VBP1: variants seen among roughly 807,000 people sequenced by gnomAD.
VBP1 encodes prefoldin subunit 3.
A neutral mutation model predicts 15.5 loss-of-function variants in VBP1; 4 were observed. That is an observed-to-expected ratio of 0.26 (90% CI 0.13 to 0.59). VBP1 has a LOEUF of 0.59. VBP1 is among the 20% of genes least tolerant of loss of function. The pLI, the probability that VBP1 is intolerant of heterozygous loss-of-function variation, is 0.90. For missense variants in VBP1, 108 were observed against 139.6 expected (o/e 0.77, Z 1.14); for synonymous variants, 61 against 52.1 (o/e 1.17, Z -0.74).
chrX:155,204,698 G>T (rs782160311), intron 1 of VBP1, among the ~76,000 whole-genome samples: 1 of 111,881 alleles, frequency 8.9e-6, no homozygotes, highest in East Asian at 2.8e-4. Flanking sequence ...TCAAGAGAAA[G>T]CTGCTTCAGA....
intron 4 of VBP1, among the ~76,000 whole-genome samples, chrX:155,234,039 C>G (rs150901018): frequency 0.038 from 4,081 of 107,814 alleles, 84 homozygotes; most frequent in Non-Finnish European, 0.06. Flanking sequence ...ATGTGTGTAC[C>G]TCATGGTTTC....
chrX:155,202,098 A>G (rs1373198382), intron 1 of VBP1, among the ~76,000 whole-genome samples: 3 of 111,612 alleles, frequency 2.7e-5, no homozygotes, highest in Non-Finnish European at 5.6e-5. Flanking sequence ...CCACTGCTCA[A>G]TGAAATAAAA....
intron 4 of VBP1, among the ~76,000 whole-genome samples, chrX:155,230,836 A>G (rs1033255790): frequency 3.1e-4 from 35 of 111,428 alleles, no homozygotes; most frequent in African/African-American, 1.1e-3. Flanking sequence ...GGCACGTGCT[A>G]CCATGCCCAG....
intron 1 of VBP1, chrX:155,208,800 T>G: frequency 1.7e-6 from 1 of 599,829 alleles, no homozygotes; most frequent in East Asian, 3.7e-5. Flanking sequence ...CTTGTTCTCA[T>G]GGTACTATTG....
chrX:155,207,124 A>G (rs1557308115), intron 1 of VBP1, among the ~76,000 whole-genome samples: 2 of 111,653 alleles, frequency 1.8e-5, no homozygotes, highest in South Asian at 7.5e-4. Flanking sequence ...TTGAGGCAAA[A>G]GTATGGGTTG....
At chrX:155,237,035 G>A (rs2074777118) in intron 5 of VBP1, among the ~76,000 whole-genome samples, 1 of 112,295 alleles carries the variant, frequency 8.9e-6, no homozygotes, top group Admixed American at 9.4e-5. Context: ...TTAAACTTTG[G>A]GAAAGATAGA....
chrX:155,238,866 T>C lies in VBP1; in HGVS notation c.*24T>C. The C allele has an allele frequency of 2.8e-5, 32 of 1,163,137 alleles. No individual in the cohort carries two copies. Among genetic ancestry groups the C allele is most frequent in the Non-Finnish European group, 3.7e-5 (32 of 862,060 alleles). ...AATGCTGGCAATTAAAAATGTGGTT[T>C]AGTTTTCCAAACATGTTATCTTAAA... On this transcript the variant is annotated 3_prime_UTR_variant, in exon 6 of 6. Transcript: ENST00000286428.
chrX:155,231,340 A>G (rs2074745630), intron 4 of VBP1, among the ~76,000 whole-genome samples: 1 of 111,757 alleles, frequency 8.9e-6, no homozygotes, highest in Non-Finnish European at 1.9e-5. Flanking sequence ...TTCACACTCA[A>G]TCCTTTGAGT....
At chrX:155,202,535 C>T (rs1250222370) in intron 1 of VBP1, among the ~76,000 whole-genome samples, 164 of 108,769 alleles carry the variant, frequency 1.5e-3, no homozygotes, top group African/African-American at 3.4e-3. Context: ...TAAATGGTGC[C>T]GGGAAAACTG....
chrX:155,200,760 A>G (rs1168671469), intron 1 of VBP1, among the ~76,000 whole-genome samples: 1 of 109,215 alleles, frequency 9.2e-6, no homozygotes, highest in African/African-American at 3.3e-5. Context: ...AACTAAAATC[A>G]GAGCAGAACT....
At chrX:155,212,085 A>G (rs1557308582), upstream of VBP1, among the ~76,000 whole-genome samples, 1 of 112,245 alleles carries the variant, frequency 8.9e-6, no homozygotes, top group Non-Finnish European at 1.9e-5. Context: ...GTGTTAAAGT[A>G]ACTAACCTAA....
chrX:155,208,778 T>C (rs73641119), intron 1 of VBP1: 139,729 of 476,692 alleles, frequency 0.29, 15,600 homozygotes, highest in African/African-American at 0.54. Flanking sequence ...TAATATTTAC[T>C]CTAGGGGGCT....
chrX:155,213,800 G>C (rs1323521969), upstream of VBP1, among the ~76,000 whole-genome samples: 1 of 111,940 alleles, frequency 8.9e-6, no homozygotes, highest in African/African-American at 3.2e-5. Flanking sequence ...TAAAGGCAAA[G>C]GTAATAAATA....
At chrX:155,232,215 T>C (rs1271656624) in intron 4 of VBP1, among the ~76,000 whole-genome samples, 1 of 110,028 alleles carries the variant, frequency 9.1e-6, no homozygotes, top group Non-Finnish European at 1.9e-5. Context: ...CATTTTTCTG[T>C]TGGATTCTTT....
intron 2 of VBP1, among the ~76,000 whole-genome samples, chrX:155,224,788 T>C (rs1229144694): frequency 8.9e-6 from 1 of 112,508 alleles, no homozygotes; most frequent in Non-Finnish European, 1.9e-5. Flanking sequence ...TGATTATCAC[T>C]TTTTCTATCG....
At chrX:155,209,193 A>G (rs1283845344) in intron 2 of VBP1, among the ~76,000 whole-genome samples, 2 of 112,526 alleles carry the variant, frequency 1.8e-5, no homozygotes, top group Non-Finnish European at 3.7e-5. Flanking sequence ...TGTGTTGTTA[A>G]GCCTCAACTG....
intron 4 of VBP1, among the ~76,000 whole-genome samples, chrX:155,235,485 G>A (rs1290390438): frequency 1.8e-5 from 2 of 111,090 alleles, no homozygotes; most frequent in African/African-American, 6.6e-5. Context: ...TAAGTCAGGT[G>A]ATAGGGAGAG....
rs781967010 is a variant in VBP1 at position 155,227,387 on chromosome X, T to C, written c.285+86T>C. On this transcript the variant is annotated intron_variant, in intron 3 of 5. Coordinates refer to ENST00000286428, the MANE Select transcript of VBP1 (RefSeq NM_003372.7). ...TCTTTGACTCTTTGGTCACTGATAT[T>C]TGATCTGTGCTGTGGAATCCAGTCT... 212 of 673,527 alleles carry C rather than the reference T, an allele frequency of 3.1e-4. No homozygotes were observed. The East Asian group carries it at 8.4e-3, about 27-fold the overall frequency. The allele number at this position is 673,527 out of a possible 1,213,427, so 55.5% of individuals were successfully genotyped here.
intron 4 of VBP1, among the ~76,000 whole-genome samples, chrX:155,231,045 G>A (rs1296425145): frequency 8.9e-6 from 1 of 111,865 alleles, no homozygotes; most frequent in African/African-American, 3.3e-5. Context: ...GAGCATGCTG[G>A]GAATGGCCCT....
Sources: gnomAD v4.1 joint callset for allele counts (sites outside exome capture counted in the v4.1 genomes callset) on GRCh38, gnomAD v4.1.1 for gene constraint, MANE v1.5 for transcripts, NCBI Gene and HGNC (gene_info 2026-07-23, HGNC 2026-07-21) for gene names.